COG5: variants seen among roughly 807,000 people sequenced by gnomAD.
COG5 encodes component of oligomeric golgi complex 5.
In COG5, 86 loss-of-function variants were observed where a neutral mutation model predicts 110.4. The ratio of observed to expected loss-of-function variants is 0.78; its 90% CI spans 0.65 to 0.93. The LOEUF (loss-of-function observed/expected upper bound fraction) is 0.93. Ranked by LOEUF, COG5 falls within the 40% of genes least tolerant of loss-of-function variation. The pLI, the probability that COG5 is intolerant of heterozygous loss-of-function variation, is 0.00. For synonymous variants in COG5, 360 were observed against 334.6 expected, an observed-to-expected ratio of 1.08 and a Z score of -0.83; for missense variants, 1,077 against 987.0, an observed-to-expected ratio of 1.09 and a Z score of -1.22.
chr7:107,489,533 A>G (rs1797859524), intron 6 of COG5, among the ~76,000 whole-genome samples: 1 of 152,218 alleles, frequency 6.6e-6, no homozygotes, highest in South Asian at 2.1e-4. Context: ...CACCTCTACC[A>G]GAGTACAAGT....
intron 5 of COG5, among the ~76,000 whole-genome samples, chr7:107,532,707 G>A (rs1270802529): frequency 6.6e-6 from 1 of 151,934 alleles, no homozygotes; most frequent in African/African-American, 2.4e-5. Context: ...AGCTCTCAAG[G>A]ACACAGGAGA....
At chr7:107,558,609 G>A (rs370480683) in intron 1 of COG5, among the ~76,000 whole-genome samples, 8 of 142,628 alleles carry the variant, frequency 5.6e-5, no homozygotes, top group South Asian at 2.3e-4. Flanking sequence ...ATCTCTGGCC[G>A]GGCGCGGTGG....
At chr7:107,347,372 AAGTT>A (rs1417650684) in intron 10 of COG5, among the ~76,000 whole-genome samples, 1 of 152,222 alleles carries the variant, frequency 6.6e-6, no homozygotes, top group East Asian at 1.9e-4. Flanking sequence ...ATCAGTATAA[AAGTT>A]AGACACAAAG....
chr7:107,475,422 A>T (rs148952476), intron 6 of COG5: 13 of 775,674 alleles, frequency 1.7e-5, no homozygotes, highest in Non-Finnish European at 2.6e-5. Context: ...AAATTGTAAA[A>T]ACTGATATTA....
chr7:107,286,202 G>A (rs964957035), intron 12 of COG5, among the ~76,000 whole-genome samples: 1 of 152,164 alleles, frequency 6.6e-6, no homozygotes, highest in African/African-American at 2.4e-5. Flanking sequence ...TTGGCCAGAG[G>A]TGCAGATCAA....
At chr7:107,321,614 C>T (rs1217546507) in intron 11 of COG5, among the ~76,000 whole-genome samples, 1 of 152,126 alleles carries the variant, frequency 6.6e-6, no homozygotes, top group African/African-American at 2.4e-5. Context: ...CAGAAATAGT[C>T]TTACTTATAG....
intron 12 of COG5, among the ~76,000 whole-genome samples, chr7:107,283,957 C>A (rs972994353): frequency 2.6e-5 from 3 of 114,588 alleles, no homozygotes; most frequent in African/African-American, 8.1e-5. Context: ...CGTAGTCTCA[C>A]TCTGTTGTCC....
chr7:107,507,953 G>A (rs1038739769), intron 6 of COG5, among the ~76,000 whole-genome samples: 10 of 152,230 alleles, frequency 6.6e-5, no homozygotes, highest in African/African-American at 9.6e-5. Flanking sequence ...CAGCGTGAGC[G>A]ACGCAGAAGA....
At chr7:107,397,987 A>T (rs12535814) in intron 7 of COG5, among the ~76,000 whole-genome samples, 30,175 of 152,108 alleles carry the variant, frequency 0.2, 3,097 homozygotes, top group Non-Finnish European at 0.22. Context: ...TGGAAAAAAA[A>T]TAATTTTGCA....
At chr7:107,513,477 C>T (rs921190303) in intron 6 of COG5, among the ~76,000 whole-genome samples, 34 of 152,094 alleles carry the variant, frequency 2.2e-4, no homozygotes, top group Non-Finnish European at 4.6e-4. Context: ...CACCATTGTG[C>T]AAGTCAGTGT....
intron 14 of COG5, among the ~76,000 whole-genome samples, chr7:107,261,539 G>C (rs1803349772): frequency 1.3e-5 from 2 of 152,108 alleles, no homozygotes; most frequent in African/African-American, 4.8e-5. Flanking sequence ...GTTCCTTTTA[G>C]TGGAAAATGG....
At position 107,511,313 on chromosome 7, in the gene COG5, T is replaced by C. The variant is rs528396091; in HGVS notation, c.538+15924A>G. Among the ~76,000 whole-genome samples the C allele has an allele frequency of 7.2e-5, 11 of 152,284 alleles. No homozygotes were observed. In the South Asian group the frequency reaches 2.3e-3, roughly 32 times the overall value. On this transcript the variant is annotated intron_variant, in intron 6 of 21. Coordinates refer to ENST00000297135, the MANE Select transcript of COG5 (RefSeq NM_006348.5). The stretch of plus-strand genomic sequence containing the variant: ...AATCTAGAAGAAATGGATAAATTCC[T>C]CGACACATACACCATCCCAAGACTA...
Position 107,349,928 on chromosome 7 carries a change from T to C in COG5, c.1026+12105A>G, listed in dbSNP as rs149542824. Among the ~76,000 whole-genome samples the C allele has an allele frequency of 5.9e-3, 891 of 152,156 alleles. 5 individuals carry two copies. Among genetic ancestry groups the C allele is most frequent in the Middle Eastern group, 0.027 (8 of 292 alleles). ...GCTGTTCGCAAACTCCTGAACTCAA[T>C]TGACCCAACCCGCCTCGGACTCACA... is the stretch of plus-strand genomic sequence containing the variant. On this transcript the variant is annotated intron_variant, in intron 10 of 21. Transcript: ENST00000297135.
intron 10 of COG5, among the ~76,000 whole-genome samples, chr7:107,333,125 T>G (rs183000820): frequency 1.3e-5 from 2 of 152,318 alleles, no homozygotes; most frequent in Non-Finnish European, 2.9e-5. Context: ...CAGAGATCTC[T>G]GCGGATAAAT....
chr7:107,387,925 T>C (rs1029427870), intron 7 of COG5, among the ~76,000 whole-genome samples: 2 of 152,248 alleles, frequency 1.3e-5, no homozygotes, highest in Admixed American at 6.5e-5. Flanking sequence ...ACTTCAGCAA[T>C]TGCTAGATCA....
At chr7:107,275,935 T>A (rs181678399) in intron 14 of COG5, among the ~76,000 whole-genome samples, 2 of 152,224 alleles carry the variant, frequency 1.3e-5, no homozygotes, top group Admixed American at 1.3e-4. Context: ...GAATGTCAAG[T>A]CTCCAACTTA....
chr7:107,490,927 G>T (rs957964945), intron 6 of COG5, among the ~76,000 whole-genome samples: 1 of 152,056 alleles, frequency 6.6e-6, no homozygotes, highest in Admixed American at 6.6e-5. Context: ...TGAATACGGT[G>T]TTGTTCTCAT....
At chr7:107,293,730 T>A (rs7785892) in intron 12 of COG5, among the ~76,000 whole-genome samples, 1 of 151,916 alleles carries the variant, frequency 6.6e-6, no homozygotes, top group African/African-American at 2.4e-5. Flanking sequence ...TTTCTCTCCA[T>A]ATATAACTTC....
At chr7:107,344,736 C>A (rs1231410343) in intron 10 of COG5, among the ~76,000 whole-genome samples, 1 of 152,164 alleles carries the variant, frequency 6.6e-6, no homozygotes, top group African/African-American at 2.4e-5. Flanking sequence ...GTTGGTCAGG[C>A]TGGTCTTGAA....
Sources: gnomAD v4.1 joint callset for allele counts (sites outside exome capture counted in the v4.1 genomes callset) on GRCh38, gnomAD v4.1.1 for gene constraint, MANE v1.5 for transcripts, NCBI Gene and HGNC (gene_info 2026-07-23, HGNC 2026-07-21) for gene names.